The following PTK2 variants were observed in gnomAD, a reference collection of about 807,000 sequenced individuals.
The protein encoded by PTK2 is protein tyrosine kinase 2.
PTK2 carries 45 observed loss-of-function variants against 150.1 expected under a neutral mutation model. The observed-to-expected ratio is 0.30, with a 90% CI of 0.24 to 0.38. The LOEUF (loss-of-function observed/expected upper bound fraction) is 0.38, where lower values mean the gene tolerates loss of function less well. Among genes scored for constraint, PTK2 ranks in the 10% least tolerant of loss-of-function variants. The pLI is 1.00. For synonymous variants in PTK2, 432 were observed against 449.2 expected (o/e 0.96, Z 0.48); for missense variants, 919 against 1,307.3 (o/e 0.70, Z 4.58).
At chr8:140,850,875 G>C (rs1421168550) in intron 5 of PTK2, among the ~76,000 whole-genome samples, 1 of 152,200 alleles carries the variant, frequency 6.6e-6, no homozygotes, top group Admixed American at 6.5e-5. Context: ...TTCACATTTT[G>C]TAACAGAAAA....
intron 20 of PTK2, among the ~76,000 whole-genome samples, chr8:140,742,106 A>G (rs1286712467): frequency 1.3e-5 from 2 of 152,236 alleles, no homozygotes; most frequent in Non-Finnish European, 1.5e-5. Context: ...ACTGCACTCC[A>G]GCCTGAGTGA....
At chr8:140,971,367 TCTTGTAGA>T (rs2100187210) in intron 1 of PTK2, among the ~76,000 whole-genome samples, 2 of 152,384 alleles carry the variant, frequency 1.3e-5, no homozygotes, top group African/African-American at 4.8e-5. Flanking sequence ...CTTCATTAGC[TCTTGTAGA>T]CTTAACCATT....
At chr8:140,814,562 G>C (rs1728433268) in intron 10 of PTK2, among the ~76,000 whole-genome samples, 1 of 152,016 alleles carries the variant, frequency 6.6e-6, no homozygotes, top group South Asian at 2.1e-4. Flanking sequence ...AAAACCACAG[G>C]ATCATCTTGA....
rs151007834 is a variant in PTK2 at position 140,964,147 on chromosome 8, C to T, written c.-122+36978G>A. Among the ~76,000 whole-genome samples the T allele has an allele frequency of 7.9e-5, 12 of 151,618 alleles. No homozygotes were observed. The East Asian group carries it at 2.3e-3, about 29-fold the overall frequency. ...AATCTGCCTTCCATGACCCTCCTCC[C>T]ACCTAAGACTGATGTGGATGCACCA... On this transcript the variant is annotated intron_variant, in intron 1 of 31. Coordinates refer to ENST00000522684, the Ensembl canonical transcript of PTK2.
intron 31 of PTK2, among the ~76,000 whole-genome samples, chr8:140,663,303 G>A (rs966897153): frequency 6.6e-6 from 1 of 151,656 alleles, no homozygotes; most frequent in Non-Finnish European, 1.5e-5. Flanking sequence ...TCAAAGGAAA[G>A]TTGGGAGTTC....
At chr8:140,745,174 G>A (rs768277560) in intron 18 of PTK2, among the ~76,000 whole-genome samples, 3 of 152,194 alleles carry the variant, frequency 2.0e-5, no homozygotes, top group Non-Finnish European at 4.4e-5. Flanking sequence ...CTGTGGCTCT[G>A]CGAAGGTATG....
intron 4 of PTK2, among the ~76,000 whole-genome samples, chr8:140,875,598 GGA>G: frequency 6.6e-6 from 1 of 152,232 alleles, no homozygotes; most frequent in East Asian, 1.9e-4. Flanking sequence ...AAATATAATT[GGA>G]TGGCTTACAT....
intron 1 of PTK2, among the ~76,000 whole-genome samples, chr8:140,969,844 A>G (rs530098037): frequency 6.6e-6 from 1 of 152,298 alleles, no homozygotes; most frequent in South Asian, 2.1e-4. Context: ...ACCACCTTCT[A>G]TATTCACCTG....
At chr8:140,759,523 C>A (rs1208127236) in intron 16 of PTK2, among the ~76,000 whole-genome samples, 2 of 110,884 alleles carry the variant, frequency 1.8e-5, no homozygotes, top group Non-Finnish European at 3.3e-5. Context: ...AGAGTAAGAC[C>A]CTGTCCTAAA....
At position 140,730,955 on chromosome 8, in the gene PTK2, C is replaced by A. The variant is rs868439704; in HGVS notation, c.2030+4296G>T. On this transcript the variant is annotated intron_variant, in intron 22 of 31. Coordinates refer to ENST00000522684, the Ensembl canonical transcript of PTK2. Reference sequence around the variant, plus strand: ...GAAGTAACCAGGAATTAAATTAAACCCCCCCCCCCCTTTTTTTTTTGAGAC... The same window carrying A: ...GAAGTAACCAGGAATTAAATTAAACACCCCCCCCCCTTTTTTTTTTGAGAC... 3.6e-3 allele frequency among the ~76,000 whole-genome samples: 251 copies of A among 69,646 alleles called. 1 individual carries two copies. Among genetic ancestry groups the A allele is most frequent in the Non-Finnish European group, 5.2e-3 (190 of 36,584 alleles). 45.7% of individuals were successfully genotyped at this position (69,646 alleles called of 152,430 possible).
chr8:140,993,382 A>G (rs1467020977), intron 1 of PTK2, among the ~76,000 whole-genome samples: 1 of 152,220 alleles, frequency 6.6e-6, no homozygotes, highest in Non-Finnish European at 1.5e-5. Flanking sequence ...TGATGCAAGT[A>G]ACAGTTCTCC....
chr8:140,922,846 C>A (rs1221621264), intron 2 of PTK2, among the ~76,000 whole-genome samples: 1 of 152,168 alleles, frequency 6.6e-6, no homozygotes, highest in East Asian at 1.9e-4. Flanking sequence ...GGTCTTCACA[C>A]CACAGCACAC....
At chr8:140,752,027 CT>C in intron 17 of PTK2, 1 of 701,096 alleles carries the variant, frequency 1.4e-6, no homozygotes, top group Non-Finnish European at 2.6e-6. Flanking sequence ...ATCAATCTAC[CT>C]TTACACATAA....
intron 7 of PTK2, among the ~76,000 whole-genome samples, chr8:140,844,073 A>C (rs2100123876): frequency 6.6e-6 from 1 of 152,094 alleles, no homozygotes; most frequent in African/African-American, 2.4e-5. Context: ...GTCCCTGAAG[A>C]GGGATTTGTT....
intron 8 of PTK2, 132 bp from the exon 9 acceptor site, chr8:140,819,152 T>C: frequency 1.2e-6 from 1 of 863,668 alleles, no homozygotes; most frequent in Non-Finnish European, 1.7e-6. Context: ...AAAAGTATAC[T>C]TGTCAAATAA....
rs556114486 is a variant in PTK2, at chr8:140,668,130, G to A, written c.2865+139C>T. 270 of 952,556 alleles carry A rather than the reference G, an allele frequency of 2.8e-4. 3 individuals are homozygous for A. In the South Asian group the frequency reaches 4.2e-3, roughly 15 times the overall value. The allele number at this position is 952,556 out of a possible 1,614,324, so 59.0% of individuals were successfully genotyped here. The stretch of plus-strand genomic sequence containing the variant: ...GTTCTCACTAACATTGTCACTGTAT[G>A]GTGCTTTCGTGAAGAGCTTCTAAAG... On this transcript the variant is annotated intron_variant, in intron 30 of 31. Coordinates refer to ENST00000522684, the Ensembl canonical transcript of PTK2.
chr8:140,887,957 C>T (rs2100152927), intron 3 of PTK2, among the ~76,000 whole-genome samples: 2 of 152,116 alleles, frequency 1.3e-5, no homozygotes, highest in South Asian at 4.1e-4. Flanking sequence ...AAGACTGAAT[C>T]GAGTTATTCA....
intron 10 of PTK2, among the ~76,000 whole-genome samples, chr8:140,808,626 T>C (rs561904458): frequency 1.3e-5 from 2 of 151,696 alleles, no homozygotes; most frequent in South Asian, 2.1e-4. Flanking sequence ...AATATGCTCA[T>C]AGAAATAAAA....
At chr8:140,994,699 G>A (rs952212230) in intron 1 of PTK2, among the ~76,000 whole-genome samples, 3 of 152,128 alleles carry the variant, frequency 2.0e-5, no homozygotes, top group African/African-American at 7.2e-5. Context: ...GTACCCACAT[G>A]AGATACACAT....
Sources: allele counts gnomAD v4.1 joint callset (sites outside exome capture counted in the v4.1 genomes callset), GRCh38; gene constraint gnomAD v4.1.1; transcripts MANE v1.5; gene names NCBI Gene and HGNC (gene_info 2026-07-23, HGNC 2026-07-21).